Variants in U2SURP observed in about 807,000 individuals in gnomAD.
The protein encoded by U2SURP is U2 snRNP associated SURP domain containing, also known as U2 snRNP-associated SURP motif-containing protein.
U2SURP carries 9 observed loss-of-function variants against 144.9 expected under a neutral mutation model. That is an observed-to-expected ratio of 0.06 (90% CI 0.04 to 0.11). The LOEUF (loss-of-function observed/expected upper bound fraction) is 0.11, where lower values mean the gene tolerates loss of function less well. Ranked by LOEUF, U2SURP falls within the 10% of genes least tolerant of loss-of-function variation. The pLI, the probability that U2SURP is intolerant of heterozygous loss-of-function variation, is 1.00. For missense variants in U2SURP, 724 were observed against 1,226.7 expected (o/e 0.59, Z 6.12); for synonymous variants, 408 against 396.8 (o/e 1.03, Z -0.33).
rs746114026 is a variant in U2SURP, at chr3:143,032,913, G to A, written c.1740G>A (p.Ser580=). The part of the protein sequence containing the change: ...AEEIVDCITE[S]LSILKTPLPK... ...AAATAGTGGATTGCATTACTGAGTCGTTGTCCATCTTAAAGACACCCCTTC... is the reference window on the plus strand; with the variant it reads ...AAATAGTGGATTGCATTACTGAGTCATTGTCCATCTTAAAGACACCCCTTC... The change falls in exon 17 of 28, where the codon TCG becomes TCA. Residue 580 remains serine (S), a synonymous_variant. Coordinates refer to ENST00000473835, the MANE Select transcript of U2SURP (RefSeq NM_001080415.2). 8.6e-5 allele frequency: 138 copies of A among 1,613,132 alleles called. No individual in the cohort carries two copies. The highest frequency in any genetic ancestry group is 1.0e-4 in the Non-Finnish European group (120 of 1,179,612).
chr3:143,039,292 G>C (rs905777883), intron 23 of U2SURP, among the ~76,000 whole-genome samples: 1 of 151,804 alleles, frequency 6.6e-6, no homozygotes, highest in Non-Finnish European at 1.5e-5. Context: ...AATGTGAATA[G>C]GAAAGGTTAT....
At chr3:143,010,274 C>T (rs543433114) in intron 1 of U2SURP, among the ~76,000 whole-genome samples, 1 of 152,212 alleles carries the variant, frequency 6.6e-6, no homozygotes, top group African/African-American at 2.4e-5. Flanking sequence ...GACATGCTAT[C>T]GAATCATCTC....
At chr3:143,031,686 T>C (rs1403699230) in intron 16 of U2SURP, among the ~76,000 whole-genome samples, 2 of 152,234 alleles carry the variant, frequency 1.3e-5, no homozygotes, top group Admixed American at 6.5e-5. Flanking sequence ...AAAAAACTTA[T>C]GTGATTGGCT....
chr3:143,055,417 A>G (rs758705371), intron 27 of U2SURP, among the ~76,000 whole-genome samples: 3 of 152,118 alleles, frequency 2.0e-5, no homozygotes, highest in African/African-American at 7.2e-5. Flanking sequence ...TTTAGTTTCT[A>G]TAGAATATTA....
At chr3:143,003,891 C>T (rs1452827128) in intron 1 of U2SURP, among the ~76,000 whole-genome samples, 17 of 151,976 alleles carry the variant, frequency 1.1e-4, no homozygotes, top group Admixed American at 1.0e-3. Context: ...GGGGTTTCAC[C>T]ATGTTGGCCA....
rs761863065 is a variant in U2SURP, at chr3:143,020,566, C to G, written c.639-33C>G. On this transcript the variant is annotated intron_variant, in intron 7 of 27. Coordinates refer to ENST00000473835, the MANE Select transcript of U2SURP (RefSeq NM_001080415.2). ...TGAAATGTGAATGAACAAATTTTGG[C>G]TCATTATAAGTGATTGTAAATATTT... 25 of 1,528,040 alleles carry G rather than the reference C, an allele frequency of 1.6e-5. No homozygotes were observed. The Admixed American group carries it at 4.4e-4, about 27-fold the overall frequency. 94.7% of individuals were successfully genotyped at this position (1,528,040 alleles called of 1,614,324 possible).
At chr3:143,035,957 T>G in intron 19 of U2SURP, 25 bp from the exon 20 acceptor site, 1 of 1,570,902 alleles carries the variant, frequency 6.4e-7, no homozygotes, top group Non-Finnish European at 8.6e-7. Flanking sequence ...AATAAAAGTT[T>G]GTTGTCTGTT....
At chr3:143,029,512 CTT>C (rs1933353862) in intron 16 of U2SURP, among the ~76,000 whole-genome samples, 1 of 152,136 alleles carries the variant, frequency 6.6e-6, no homozygotes, top group Admixed American at 6.6e-5. Context: ...AGAAGATGAA[CTT>C]AATCAAAAAA....
chr3:143,043,354 T>TTGTA, intron 24 of U2SURP, 78 bp downstream of exon 24: 1 of 1,442,016 alleles, frequency 6.9e-7, no homozygotes, highest in Non-Finnish European at 9.4e-7. Context: ...CCTCTTTGCA[T>TTGTA]TGTACCGTAG....
Position 143,012,284 on chromosome 3 carries a change from A to G in U2SURP, c.153A>G (p.Arg51=). 1 of 1,613,548 alleles carries G rather than the reference A, an allele frequency of 6.2e-7. No homozygotes were observed. The highest frequency in any genetic ancestry group is 8.5e-7 in the Non-Finnish European group (1 of 1,179,562). ...GTCGGACACGACCTAAGAGCCCAAG[A>G]AAACATAATTATAGGAATGAAAGTG... ...MPSRTRPKSP[R]KHNYRNESAR... The change falls in exon 3 of 28, where the codon AGA becomes AGG. Residue 51 remains arginine (R), a synonymous_variant. Transcript: ENST00000473835.
intron 23 of U2SURP, among the ~76,000 whole-genome samples, chr3:143,039,636 G>A (rs905495040): frequency 2.7e-5 from 4 of 146,770 alleles, no homozygotes; most frequent in African/African-American, 1.0e-4. Context: ...AGTAGGAAGA[G>A]ATGGTATCAC....
chr3:143,044,717 T>A lies in U2SURP; in HGVS notation c.2544+1441T>A, dbSNP rs558247651. Among the ~76,000 whole-genome samples, 322 of 152,306 alleles carry A rather than the reference T, an allele frequency of 2.1e-3. 3 individuals carry two copies. The highest frequency in any genetic ancestry group is 7.4e-3 in the African/African-American group (306 of 41,560). On this transcript the variant is annotated intron_variant, in intron 24 of 27. Transcript: ENST00000473835. ...GGTATTTTTGAATGCCTACTGTATG[T>A]CAGTACTATCTCCCTTACTAACTTA...
Position 143,039,027 on chromosome 3 carries a change from T to C in U2SURP, c.2384+67T>C, listed in dbSNP as rs1578152772. 8.9e-6 allele frequency: 10 copies of C among 1,127,976 alleles called. No homozygotes were observed. The East Asian group carries it at 1.6e-4, about 18-fold the overall frequency. 69.9% of individuals were successfully genotyped at this position (1,127,976 alleles called of 1,614,324 possible). ...ACACTCCCCTTTTCATTAAGAGATA[T>C]AGTTGAAATAATAGTGAAGTGGAAA... is the stretch of plus-strand genomic sequence containing the variant. On this transcript the variant is annotated intron_variant, in intron 23 of 27. Transcript: ENST00000473835.
At chr3:143,047,711 G>A (rs1376860605) in intron 24 of U2SURP, among the ~76,000 whole-genome samples, 6 of 70,622 alleles carry the variant, frequency 8.5e-5, no homozygotes, top group East Asian at 5.3e-4. Context: ...GGGCAGAGGC[G>A]CCCCTCACCT....
intron 22 of U2SURP, among the ~76,000 whole-genome samples, chr3:143,038,497 A>G (rs1410758301): frequency 1.3e-5 from 2 of 152,046 alleles, no homozygotes; most frequent in Non-Finnish European, 2.9e-5. Flanking sequence ...GTAGAAATCT[A>G]CATAGAGGTC....
At chr3:143,014,875 G>T (rs1478349958) in intron 4 of U2SURP, among the ~76,000 whole-genome samples, 1 of 151,902 alleles carries the variant, frequency 6.6e-6, no homozygotes, top group Non-Finnish European at 1.5e-5. Context: ...TTTATGTTTT[G>T]TTCTTTTGCC....
chr3:143,011,004 CTTTT>C (rs78844477), intron 2 of U2SURP, 145 bp downstream of exon 2: 2 of 448,946 alleles, frequency 4.5e-6, no homozygotes, highest in Non-Finnish European at 7.6e-6. Context: ...AGGCGCCTTC[CTTTT>C]TTTTTTTTAT....
At chr3:143,019,841 CT>C (rs1936547292) in intron 6 of U2SURP, 127 bp from the exon 7 acceptor site, 1 of 428,800 alleles carries the variant, frequency 2.3e-6, no homozygotes, top group East Asian at 3.7e-5. Flanking sequence ...GAAAAGCATT[CT>C]TCCTTTTTAA....
chr3:143,028,443 G>GAGT, intron 15 of U2SURP, 37 bp downstream of exon 15: 8 of 1,609,058 alleles, frequency 5.0e-6, no homozygotes, highest in Non-Finnish European at 5.9e-6. Context: ...TTTTGACTCT[G>GAGT]AGTAATTAGA....
Sources: allele counts gnomAD v4.1 joint callset (sites outside exome capture counted in the v4.1 genomes callset), GRCh38; gene constraint gnomAD v4.1.1; transcripts MANE v1.5; gene names NCBI Gene and HGNC (gene_info 2026-07-23, HGNC 2026-07-21).